The following PDLIM5 variants were observed in gnomAD, a reference collection of about 807,000 sequenced individuals.
PDLIM5 encodes the protein PDZ and LIM domain protein 5.
Under a neutral mutation model 64.2 loss-of-function variants are expected in PDLIM5, and 34 were observed. The ratio of observed to expected loss-of-function variants is 0.53; its 90% CI spans 0.40 to 0.71. The LOEUF is 0.71. Ranked by LOEUF, PDLIM5 falls within the 30% of genes least tolerant of loss-of-function variation. PDLIM5 has a pLI of 0.00. For synonymous variants in PDLIM5, 253 were observed against 269.1 expected, an observed-to-expected ratio of 0.94 and a Z score of 0.59; for missense variants, 683 against 733.6, an observed-to-expected ratio of 0.93 and a Z score of 0.80.
chr4:94,506,297 C>A (rs1728392188), intron 2 of PDLIM5, among the ~76,000 whole-genome samples: 1 of 152,172 alleles, frequency 6.6e-6, no homozygotes, highest in Non-Finnish European at 1.5e-5. Context: ...TTCTCTGATA[C>A]TGAATTGCAC....
At chr4:94,658,039 C>G (rs1432534830) in intron 11 of PDLIM5, among the ~76,000 whole-genome samples, 1 of 152,104 alleles carries the variant, frequency 6.6e-6, no homozygotes, top group East Asian at 1.9e-4. Flanking sequence ...CAGATATTCC[C>G]AACTTTATTA....
chr4:94,665,607 T>C lies in PDLIM5; in HGVS notation c.*1540T>C. ...CAATCCCCTTTTCTCAAATAATAAA[T>C]TAGTTAAATCAGTTTCTGAGTTATG... is the stretch of plus-strand genomic sequence containing the variant. On this transcript the variant is annotated 3_prime_UTR_variant, in exon 13 of 13. Coordinates refer to ENST00000317968, the MANE Select transcript of PDLIM5 (RefSeq NM_006457.5). 1 of 990,376 alleles carries C rather than the reference T, an allele frequency of 1.0e-6. No individual in the cohort carries two copies. Among genetic ancestry groups the C allele is most frequent in the South Asian group, 4.7e-5 (1 of 21,338 alleles). The allele number at this position is 990,376 out of a possible 1,614,324, so 61.3% of individuals were successfully genotyped here. A position where few individuals can be genotyped will look rare whatever the true frequency, so the allele number is the denominator to read the frequency against.
At chr4:94,587,357 G>T in intron 7 of PDLIM5, 1 of 1,170,544 alleles carries the variant, frequency 8.5e-7, no homozygotes, top group Non-Finnish European at 1.0e-6. Flanking sequence ...TTGTGATTAG[G>T]GTAGTAATCT....
intron 2 of PDLIM5, among the ~76,000 whole-genome samples, chr4:94,478,654 C>T (rs938116280): frequency 1.3e-5 from 2 of 151,860 alleles, no homozygotes; most frequent in African/African-American, 4.8e-5. Context: ...AAGTTAGGCA[C>T]GTAAGTTAAA....
At chr4:94,614,199 G>C (rs1473665794) in intron 7 of PDLIM5, among the ~76,000 whole-genome samples, 1 of 152,108 alleles carries the variant, frequency 6.6e-6, no homozygotes, top group Non-Finnish European at 1.5e-5. Context: ...TTGACCTCGT[G>C]ATCCGCCCAC....
chr4:94,472,194 G>A (rs112837318), intron 2 of PDLIM5, among the ~76,000 whole-genome samples: 1,783 of 151,908 alleles, frequency 0.012, 40 homozygotes, highest in African/African-American at 0.041. Context: ...GCACCCTGTA[G>A]GTTTGGATTG....
At chr4:94,521,226 T>G (rs1228364006) in intron 2 of PDLIM5, among the ~76,000 whole-genome samples, 3 of 152,120 alleles carry the variant, frequency 2.0e-5, no homozygotes, top group African/African-American at 7.2e-5. Context: ...ATTAGAACTT[T>G]CCAGTGCGAG....
chr4:94,665,162 C>G lies in PDLIM5; in HGVS notation c.*1095C>G. The G allele has an allele frequency of 2.1e-6, 2 of 958,054 alleles. No individual in the cohort carries two copies. Among genetic ancestry groups the G allele is most frequent in the Non-Finnish European group, 2.5e-6 (2 of 804,956 alleles). The allele number at this position is 958,054 out of a possible 1,614,324, so 59.3% of individuals were successfully genotyped here. A position where few individuals can be genotyped will look rare whatever the true frequency, so the allele number is the denominator to read the frequency against. ...AAAGATTTAATTAAATAATTTTGGC[C>G]TCTCATAGTTTTCTCTCTCTTTAAA... is the stretch of plus-strand genomic sequence containing the variant. On this transcript the variant is annotated 3_prime_UTR_variant, in exon 13 of 13. Coordinates refer to ENST00000317968, the MANE Select transcript of PDLIM5 (RefSeq NM_006457.5).
intron 7 of PDLIM5, among the ~76,000 whole-genome samples, chr4:94,606,491 G>A (rs1035686346): frequency 2.6e-5 from 4 of 152,108 alleles, no homozygotes; most frequent in Non-Finnish European, 5.9e-5. Flanking sequence ...GGCCAGGAGG[G>A]GGATAGAAGC....
chr4:94,497,044 T>C (rs1173103424), intron 2 of PDLIM5, among the ~76,000 whole-genome samples: 1 of 152,234 alleles, frequency 6.6e-6, no homozygotes, highest in Non-Finnish European at 1.5e-5. Context: ...CCAAGCAAGT[T>C]TGACACTTTT....
chr4:94,639,143 G>T (rs576288569), intron 8 of PDLIM5, among the ~76,000 whole-genome samples: 1 of 152,118 alleles, frequency 6.6e-6, no homozygotes, highest in Admixed American at 6.5e-5. Context: ...TGGCATTACC[G>T]ATGGTGAAAA....
At chr4:94,585,118 T>G (rs1736059620) in intron 5 of PDLIM5, 1 of 615,348 alleles carries the variant, frequency 1.6e-6, no homozygotes, top group Non-Finnish European at 2.8e-6. Context: ...TGAAACAGAG[T>G]CTCGCTCTGT....
intron 3 of PDLIM5, among the ~76,000 whole-genome samples, chr4:94,524,368 CAAAAAAAAAAAA>C (rs34215993): frequency 3.9e-5 from 3 of 77,214 alleles, no homozygotes; most frequent in Admixed American, 1.8e-4. Flanking sequence ...GACCCTGTCT[CAAAAAAAAAAAA>C]AAAAAAAAAA....
intron 5 of PDLIM5, among the ~76,000 whole-genome samples, chr4:94,576,609 A>G (rs1182425091): frequency 6.6e-6 from 1 of 152,258 alleles, no homozygotes; most frequent in East Asian, 1.9e-4. Flanking sequence ...AGCAGACAGT[A>G]ATGAAACAAC....
chr4:94,456,019 A>T, intron 2 of PDLIM5: 1 of 1,397,326 alleles, frequency 7.2e-7, no homozygotes, highest in Non-Finnish European at 9.3e-7. Flanking sequence ...TGATGATAGC[A>T]CTGATGAGAG....
At chr4:94,562,113 C>T (rs1235090796) in intron 3 of PDLIM5, among the ~76,000 whole-genome samples, 2 of 152,104 alleles carry the variant, frequency 1.3e-5, no homozygotes, top group Non-Finnish European at 2.9e-5. Context: ...TGGGCTTTTT[C>T]ACTGCAATTC....
At chr4:94,470,421 G>A (rs1428374920) in intron 2 of PDLIM5, among the ~76,000 whole-genome samples, 1 of 152,138 alleles carries the variant, frequency 6.6e-6, no homozygotes, top group Non-Finnish European at 1.5e-5. Context: ...ACATTTATTA[G>A]AATTTGCCTC....
rs764828441 is a variant in PDLIM5, at chr4:94,664,082, G to A, written c.*15G>A. 2 of 1,547,288 alleles carry A rather than the reference G, an allele frequency of 1.3e-6. No individual in the cohort carries two copies. The highest frequency in any genetic ancestry group is 1.8e-6 in the Non-Finnish European group (2 of 1,139,576). ...TGAATTTTTGAAAGTCAACAGTTCA[G>A]GAGAAGAGAAGGAATTTGAAGAGAA... is the stretch of plus-strand genomic sequence containing the variant. On this transcript the variant is annotated 3_prime_UTR_variant, in exon 13 of 13. Coordinates refer to ENST00000317968, the MANE Select transcript of PDLIM5 (RefSeq NM_006457.5).
intron 5 of PDLIM5, among the ~76,000 whole-genome samples, chr4:94,578,559 T>C (rs1578410818): frequency 6.6e-6 from 1 of 152,288 alleles, no homozygotes; most frequent in East Asian, 1.9e-4. Flanking sequence ...CTGAGACACA[T>C]TGGTAGCGCC....
Sources: gnomAD v4.1 joint callset for allele counts (sites outside exome capture counted in the v4.1 genomes callset) on GRCh38, gnomAD v4.1.1 for gene constraint, MANE v1.5 for transcripts, NCBI Gene and HGNC (gene_info 2026-07-23, HGNC 2026-07-21) for gene names.